ICA1L: variants seen among roughly 807,000 people sequenced by gnomAD.
The protein encoded by ICA1L is islet cell autoantigen 1-like protein.
In ICA1L, 50 loss-of-function variants were observed where a neutral mutation model predicts 61.3. The observed-to-expected ratio is 0.82, with a 90% CI of 0.65 to 1.03. ICA1L has a LOEUF of 1.03. Among genes scored for constraint, ICA1L ranks in the 50% least tolerant of loss-of-function variants. The pLI, the probability that ICA1L is intolerant of heterozygous loss-of-function variation, is 0.00. For synonymous variants in ICA1L, 161 were observed against 191.3 expected, an observed-to-expected ratio of 0.84 and a Z score of 1.31; for missense variants, 508 against 556.7, an observed-to-expected ratio of 0.91 and a Z score of 0.88.
intron 3 of ICA1L, among the ~76,000 whole-genome samples, chr2:202,822,335 A>T (rs1210529533): frequency 6.6e-6 from 1 of 152,058 alleles, no homozygotes; most frequent in Non-Finnish European, 1.5e-5. Flanking sequence ...CTAATTTTTT[A>T]AAAATTATTT....
chr2:202,862,272 CAAAAAAAA>C (rs778355110), intron 1 of ICA1L, among the ~76,000 whole-genome samples: 4 of 62,976 alleles, frequency 6.4e-5, no homozygotes, highest in African/African-American at 3.3e-4. Context: ...CTCATTTCTA[CAAAAAAAA>C]AAAAAAAAAA....
At chr2:202,804,539 A>C (rs962911651) in intron 9 of ICA1L, among the ~76,000 whole-genome samples, 11 of 152,240 alleles carry the variant, frequency 7.2e-5, no homozygotes. Flanking sequence ...AAATACATCA[A>C]GTAAAAGACT....
At position 202,776,062 on chromosome 2, in the gene ICA1L, T is replaced by G. The variant is rs1346509953; in HGVS notation, c.*3471A>C. 1 of 152,232 alleles carries G rather than the reference T, an allele frequency of 6.6e-6. No individual in the cohort carries two copies. The highest frequency in any genetic ancestry group is 6.5e-5 in the Admixed American group (1 of 15,284). 9.4% of individuals were successfully genotyped at this position (152,232 alleles called of 1,614,324 possible). On this transcript the variant is annotated 3_prime_UTR_variant, in exon 13 of 13. Transcript: ENST00000358299. ...TCCTTCGTTCTAATGCTGTAAGACC[T>G]CTACATTTCTAGATGGTCTATACAG...
At position 202,773,818 on chromosome 2, in the gene ICA1L, G is replaced by A; in HGVS notation, c.*5715C>T. ...GGCAAGAGCAGGCTGTAAAAGCAAA[G>A]GCTAGCTGTGCAAGTGCAGCCCTGT... On this transcript the variant is annotated 3_prime_UTR_variant, in exon 13 of 13. Coordinates refer to ENST00000358299, the MANE Select transcript of ICA1L (RefSeq NM_001288622.3). 2 of 1,392,834 alleles carry A rather than the reference G, an allele frequency of 1.4e-6. No homozygotes were observed. Among genetic ancestry groups the A allele is most frequent in the Non-Finnish European group, 1.0e-6 (1 of 981,316 alleles). 86.3% of individuals were successfully genotyped at this position (1,392,834 alleles called of 1,614,324 possible).
At chr2:202,806,322 G>T (rs1470012095) in intron 9 of ICA1L, among the ~76,000 whole-genome samples, 2 of 152,170 alleles carry the variant, frequency 1.3e-5, no homozygotes, top group Non-Finnish European at 2.9e-5. Flanking sequence ...CTAGCTCCCA[G>T]ATCACATTTT....
rs924868614 is a variant in ICA1L at position 202,868,704 on chromosome 2, C to T, written c.-8+2915G>A. Among the ~76,000 whole-genome samples, 2 of 152,302 alleles carry T rather than the reference C, an allele frequency of 1.3e-5. 1 individual carries two copies. The highest frequency in any genetic ancestry group is 4.1e-4 in the South Asian group (2 of 4,824). ...AATTAAGGCCGGGCGCGGTGGCTCA[C>T]GCCTGTAATCCCAGCAATTTGGGAG... On this transcript the variant is annotated intron_variant, in intron 1 of 12. Coordinates refer to ENST00000358299, the MANE Select transcript of ICA1L (RefSeq NM_001288622.3).
chr2:202,826,057 T>C lies in ICA1L; in HGVS notation c.163-290A>G, dbSNP rs551199927. On this transcript the variant is annotated intron_variant, in intron 2 of 12. Transcript: ENST00000358299. ...CTGTCCTCATCTCAGCTCCAAACTA[T>C]CTAAATAACAACAACATAAATCTAA... 1.8e-3 allele frequency among the ~76,000 whole-genome samples: 274 copies of C among 152,272 alleles called. 2 individuals carry two copies. The highest frequency in any genetic ancestry group is 6.8e-3 in the Middle Eastern group (2 of 294).
intron 1 of ICA1L, among the ~76,000 whole-genome samples, chr2:202,852,399 G>A (rs1057288260): frequency 3.9e-5 from 6 of 151,924 alleles, no homozygotes; most frequent in South Asian, 2.1e-4. Context: ...AGCCGGGTGC[G>A]GTGGCTTACA....
intron 1 of ICA1L, among the ~76,000 whole-genome samples, chr2:202,862,272 C>CAAAAAAA (rs778355110): frequency 9.5e-5 from 6 of 62,974 alleles, no homozygotes; most frequent in African/African-American, 4.1e-4. Flanking sequence ...CTCATTTCTA[C>CAAAAAAA]AAAAAAAAAA....
intron 1 of ICA1L, among the ~76,000 whole-genome samples, chr2:202,830,580 G>A (rs1466428339): frequency 2.6e-5 from 4 of 152,142 alleles, no homozygotes. Context: ...TGTAAGAGTA[G>A]GAACAAAAGG....
chr2:202,775,341 C>A lies in ICA1L; in HGVS notation c.*4192G>T, dbSNP rs753241931. ...CAATTCTGGCTCTCTTCTTTTTATTCCTGCCTTCAATAAGTCAGGTTACAT... is the reference window on the plus strand; with the variant it reads ...CAATTCTGGCTCTCTTCTTTTTATTACTGCCTTCAATAAGTCAGGTTACAT... On this transcript the variant is annotated 3_prime_UTR_variant, in exon 13 of 13. Coordinates refer to ENST00000358299, the MANE Select transcript of ICA1L (RefSeq NM_001288622.3). 1.1e-4 allele frequency: 17 copies of A among 152,254 alleles called. No homozygotes were observed. The highest frequency in any genetic ancestry group is 2.1e-4 in the Non-Finnish European group (14 of 68,024). The allele number at this position is 152,254 out of a possible 1,614,324, so 9.4% of individuals were successfully genotyped here.
intron 1 of ICA1L, among the ~76,000 whole-genome samples, chr2:202,866,666 G>A (rs1240088151): frequency 5.3e-5 from 8 of 152,110 alleles, no homozygotes; most frequent in Admixed American, 4.6e-4. Context: ...TAAAACTCCC[G>A]GCGAGGCGCG....
At chr2:202,870,211 T>C (rs1321730916) in intron 1 of ICA1L, among the ~76,000 whole-genome samples, 2 of 152,142 alleles carry the variant, frequency 1.3e-5, no homozygotes, top group African/African-American at 2.4e-5. Context: ...TGATATCTGG[T>C]CCTAGTTCCA....
At chr2:202,797,542 GAC>G (rs1372117159) in intron 9 of ICA1L, among the ~76,000 whole-genome samples, 1 of 152,150 alleles carries the variant, frequency 6.6e-6, no homozygotes, top group Non-Finnish European at 1.5e-5. Flanking sequence ...TTGTTTTTGA[GAC>G]AGAGTCTTGC....
chr2:202,811,364 G>A (rs921112559), intron 9 of ICA1L, among the ~76,000 whole-genome samples: 7 of 152,044 alleles, frequency 4.6e-5, no homozygotes, highest in African/African-American at 1.7e-4. Context: ...CAAAACAAAA[G>A]TTGATGGAGG....
chr2:202,859,993 A>G (rs1694867293), intron 1 of ICA1L, among the ~76,000 whole-genome samples: 1 of 152,114 alleles, frequency 6.6e-6, no homozygotes, highest in South Asian at 2.1e-4. Context: ...ATGCATTAAG[A>G]ACATTTTTGT....
At chr2:202,811,477 G>C (rs543290337) in intron 9 of ICA1L, among the ~76,000 whole-genome samples, 2 of 151,994 alleles carry the variant, frequency 1.3e-5, no homozygotes, top group East Asian at 3.9e-4. Flanking sequence ...GGCTACTACA[G>C]TGAAACCCTG....
rs1330717036 is a variant in ICA1L at position 202,828,898 on chromosome 2, CT to C, written c.111del (p.Glu38ArgfsTer30). ...KQVFIKATGK[K>X]EDEHLVASDA... is the part of the protein sequence containing the mutation. Reference sequence around the variant, plus strand: ...TCAGACGCCACCAAGTGCTCATCCTCTTTTTTTCCTGTTGCTTTGATAAAGA... The same window carrying C: ...TCAGACGCCACCAAGTGCTCATCCTCTTTTTTCCTGTTGCTTTGATAAAGA... On this transcript the variant is annotated frameshift_variant, in exon 2 of 13. Transcript: ENST00000358299. LOFTEE classifies it high-confidence loss of function. The C allele has an allele frequency of 5.0e-6, 8 of 1,613,762 alleles. No homozygotes were observed. Among genetic ancestry groups the C allele is most frequent in the Non-Finnish European group, 6.8e-6 (8 of 1,179,952 alleles).
chr2:202,836,464 A>G (rs1694151093), intron 1 of ICA1L, among the ~76,000 whole-genome samples: 1 of 152,170 alleles, frequency 6.6e-6, no homozygotes, highest in South Asian at 2.1e-4. Context: ...ATATTGGCCT[A>G]TAATTTGCTT....
Sources: allele counts gnomAD v4.1 joint callset (sites outside exome capture counted in the v4.1 genomes callset), GRCh38; gene constraint gnomAD v4.1.1; transcripts MANE v1.5; gene names NCBI Gene and HGNC (gene_info 2026-07-23, HGNC 2026-07-21).